RTN4RL1: variants seen among roughly 807,000 people sequenced by gnomAD.
The protein encoded by RTN4RL1 is reticulon 4 receptor like 1.
RTN4RL1 carries 7 observed loss-of-function variants against 25.6 expected under a neutral mutation model. The ratio of observed to expected loss-of-function variants is 0.27; its 90% confidence interval spans 0.16 to 0.51. The LOEUF (loss-of-function observed/expected upper bound fraction) is 0.51. RTN4RL1 is among the 20% of genes least tolerant of loss of function. The pLI, the probability that RTN4RL1 is intolerant of heterozygous loss-of-function variation, is 0.97. For synonymous variants in RTN4RL1, 297 were observed against 288.2 expected (o/e 1.03, Z -0.31); for missense variants, 500 against 615.6 (o/e 0.81, Z 1.99).
rs528005724 is a variant in RTN4RL1, at chr17:1,944,214, C to T, written c.14-6406G>A. Among the ~76,000 whole-genome samples the T allele has an allele frequency of 1.2e-3, 182 of 151,770 alleles. 1 individual carries two copies. The highest frequency in any genetic ancestry group is 3.8e-3 in the African/African-American group (159 of 41,374). On this transcript the variant is annotated intron_variant, in intron 1 of 1. Transcript: ENST00000331238. The stretch of plus-strand genomic sequence containing the variant: ...GAGCTACCTCGCCCAGCCCTGGATC[C>T]TCAACTTAACCGGTGTGTCCCCACG...
At chr17:2,021,981 C>T (rs2067212906) in intron 1 of RTN4RL1, among the ~76,000 whole-genome samples, 1 of 151,258 alleles carries the variant, frequency 6.6e-6, no homozygotes, top group Non-Finnish European at 1.5e-5. Flanking sequence ...ACCTCAGCCT[C>T]TCAAGTAGCT....
intron 1 of RTN4RL1, among the ~76,000 whole-genome samples, chr17:1,944,087 C>T (rs1050979527): frequency 6.6e-5 from 10 of 152,188 alleles, no homozygotes; most frequent in South Asian, 2.1e-4. Flanking sequence ...CACCACGCTC[C>T]GTGAATTTTT....
intron 1 of RTN4RL1, among the ~76,000 whole-genome samples, chr17:1,996,441 C>G (rs1052074413): frequency 2.0e-5 from 3 of 150,764 alleles, no homozygotes; most frequent in Admixed American, 6.6e-5. Flanking sequence ...TGCCCTCCCC[C>G]TGAGAAGCGG....
intron 1 of RTN4RL1, among the ~76,000 whole-genome samples, chr17:2,015,851 C>T (rs1304238594): frequency 2.6e-5 from 4 of 152,172 alleles, no homozygotes; most frequent in Non-Finnish European, 5.9e-5. Context: ...AACCCCTCGC[C>T]CTGTGGACAG....
At position 1,935,544 on chromosome 17, in the gene RTN4RL1, G is replaced by A. The variant is rs1831357858; in HGVS notation, c.*952C>T. The A allele has an allele frequency of 1.0e-6, 1 of 985,590 alleles. No homozygotes were observed. The highest frequency in any genetic ancestry group is 1.2e-6 in the Non-Finnish European group (1 of 829,872). 61.1% of individuals were successfully genotyped at this position (985,590 alleles called of 1,614,324 possible). A position where few individuals can be genotyped will look rare whatever the true frequency, so the allele number is the denominator to read the frequency against. ...CCTTGGCAAGGCCAGGTCCCTTGGA[G>A]ACTATCGTTGCCAGTTTGGGATTCT... On this transcript the variant is annotated 3_prime_UTR_variant, in exon 2 of 2. Coordinates refer to ENST00000331238, the MANE Select transcript of RTN4RL1 (RefSeq NM_178568.4).
intron 1 of RTN4RL1, chr17:2,019,577 T>G (rs1217438201): frequency 1.3e-5 from 2 of 152,354 alleles, no homozygotes; most frequent in Non-Finnish European, 2.9e-5. Flanking sequence ...CCCCTTCCCC[T>G]GCCTTTTCCT....
chr17:1,945,761 G>A (rs914749846), intron 1 of RTN4RL1, among the ~76,000 whole-genome samples: 4 of 152,170 alleles, frequency 2.6e-5, no homozygotes, highest in African/African-American at 4.8e-5. Flanking sequence ...TGTTGACTCC[G>A]TGAGGACGGT....
At chr17:1,949,638 C>T (rs1263585714) in intron 1 of RTN4RL1, among the ~76,000 whole-genome samples, 1 of 152,206 alleles carries the variant, frequency 6.6e-6, no homozygotes, top group African/African-American at 2.4e-5. Context: ...TCTATCCCCA[C>T]TCCTTCATTC....
chr17:1,988,524 A>AAAG (rs1466191977), intron 1 of RTN4RL1, among the ~76,000 whole-genome samples: 2 of 85,464 alleles, frequency 2.3e-5, no homozygotes, highest in African/African-American at 8.9e-5. Flanking sequence ...AAAAAAAAAG[A>AAAG]AAAGAAAAGA....
Position 1,998,520 on chromosome 17 carries a change from C to A in RTN4RL1, c.13+26333G>T, listed in dbSNP as rs1396209303. On this transcript the variant is annotated intron_variant, in intron 1 of 1. Coordinates refer to ENST00000331238, the MANE Select transcript of RTN4RL1 (RefSeq NM_178568.4). The surrounding 1 kb of genome is among the most constrained non-coding windows in gnomAD (Gnocchi z 4.9). ...CCGCGGCTGCCCCCGGGCCGGCCAC[C>A]GCTGCCCAGCGCGCAGGTCCCTGCC... 6.6e-6 allele frequency among the ~76,000 whole-genome samples: 1 copy of A among 152,060 alleles called. No homozygotes were observed. The highest frequency in any genetic ancestry group is 2.4e-5 in the African/African-American group (1 of 41,432).
chr17:1,985,016 C>G (rs2066882101), intron 1 of RTN4RL1, among the ~76,000 whole-genome samples: 1 of 152,120 alleles, frequency 6.6e-6, no homozygotes, highest in Non-Finnish European at 1.5e-5. Flanking sequence ...CTCACTTAGG[C>G]TGAACACCCC....
At chr17:1,941,578 G>A (rs1193924114) in intron 1 of RTN4RL1, among the ~76,000 whole-genome samples, 1 of 152,198 alleles carries the variant, frequency 6.6e-6, no homozygotes, top group Admixed American at 6.5e-5. Context: ...GCCTGAGGAT[G>A]GTGGAGGGCC....
intron 1 of RTN4RL1, among the ~76,000 whole-genome samples, chr17:1,985,489 CAATTA>C (rs2066883797): frequency 6.6e-6 from 1 of 152,160 alleles, no homozygotes; most frequent in East Asian, 1.9e-4. Flanking sequence ...CACTGGGGGA[CAATTA>C]ATAGCTATGG....
chr17:1,999,625 C>A (rs985769996), intron 1 of RTN4RL1, among the ~76,000 whole-genome samples: 4 of 151,860 alleles, frequency 2.6e-5, no homozygotes, highest in Non-Finnish European at 5.9e-5. Context: ...TCTTCCTGTC[C>A]CTGCACACAT....
chr17:1,987,258 C>T (rs987211901), intron 1 of RTN4RL1, among the ~76,000 whole-genome samples: 1 of 152,236 alleles, frequency 6.6e-6, no homozygotes, highest in African/African-American at 2.4e-5. Flanking sequence ...GGAGTGGGCT[C>T]GTACCCAATC....
Position 1,950,322 on chromosome 17 carries a change from G to A in RTN4RL1, c.14-12514C>T, listed in dbSNP as rs370606528. On this transcript the variant is annotated intron_variant, in intron 1 of 1. Coordinates refer to ENST00000331238, the MANE Select transcript of RTN4RL1 (RefSeq NM_178568.4). ...GGGTGAGGGAGGCGACGGGGGTCAC[G>A]GGGCGGCTTCCCAAGTCTATTCCAG... Among the ~76,000 whole-genome samples, 16 of 152,268 alleles carry A rather than the reference G, an allele frequency of 1.1e-4. No homozygotes were observed. In the East Asian group the frequency reaches 1.5e-3, roughly 15 times the overall value.
In RTN4RL1 at chr17:1,936,960, G is replaced by A. The variant is rs764521112; in HGVS notation, c.862C>T (p.Arg288Trp). Residue 288 changes from arginine (R) to tryptophan (W), a missense_variant, in exon 2 of 2, where the codon CGG becomes TGG. Physicochemically the swap from Arg to Trp is moderately radical, Grantham distance 101. Coordinates refer to ENST00000331238, the MANE Select transcript of RTN4RL1 (RefSeq NM_178568.4). The part of the protein sequence containing the change: ...SAVPCVSPGL[R>W]HGQDLKLLRA... ...AGCAGCTTCAGGTCCTGGCCGTGCC[G>A]CAGCCCAGGGGACACACAGGGGACA... 27 of 1,607,436 alleles carry A rather than the reference G, an allele frequency of 1.7e-5. 1 individual carries two copies. In the African/African-American group the frequency reaches 2.4e-4, roughly 14 times the overall value.
chr17:1,978,785 C>T (rs1486612370), intron 1 of RTN4RL1, among the ~76,000 whole-genome samples: 3 of 152,202 alleles, frequency 2.0e-5, no homozygotes, highest in African/African-American at 7.2e-5. Context: ...GGCACAAGTC[C>T]CAGAGTTGCT....
intron 1 of RTN4RL1, among the ~76,000 whole-genome samples, chr17:1,979,667 C>T (rs564800711): frequency 9.1e-4 from 139 of 152,300 alleles, no homozygotes; most frequent in African/African-American, 3.2e-3. Context: ...AGATCTCTGC[C>T]TTCCTGAAGC....
Sources: allele counts gnomAD v4.1 joint callset (sites outside exome capture counted in the v4.1 genomes callset), GRCh38; gene constraint gnomAD v4.1.1; non-coding constraint Gnocchi (gnomAD v3.1); transcripts MANE v1.5; gene names NCBI Gene and HGNC (gene_info 2026-07-23, HGNC 2026-07-21).